Variants in NBPF26 observed in about 807,000 individuals in gnomAD.
The protein encoded by NBPF26 is NBPF member 26.
A neutral mutation model predicts 119.6 loss-of-function variants in NBPF26; 79 were observed. That is an observed-to-expected ratio of 0.66 (90% CI 0.55 to 0.80). The LOEUF is 0.80. Among genes scored for constraint, NBPF26 ranks in the 30% least tolerant of loss-of-function variants. The pLI is 0.00. For missense variants in NBPF26, 800 were observed against 1,198.2 expected, an observed-to-expected ratio of 0.67 and a Z score of 4.91; for synonymous variants, 299 against 457.7, an observed-to-expected ratio of 0.65 and a Z score of 4.43.
chr1:120,810,254 T>G lies in NBPF26; in HGVS notation c.1353-93T>G, dbSNP rs1651826502. The stretch of plus-strand genomic sequence containing the variant: ...CGTTTTGCTTTCTGGAACCACTCTC[T>G]TAATGCCGCCTGTCAAAACCAGCTA... On this transcript the variant is annotated intron_variant, in intron 8 of 29. Coordinates refer to ENST00000620612, the Ensembl canonical transcript of NBPF26. 56 of 1,421,488 alleles carry G rather than the reference T, an allele frequency of 3.9e-5. No homozygotes were observed. In the South Asian group the frequency reaches 6.2e-4, roughly 16 times the overall value. The allele number at this position is 1,421,488 out of a possible 1,614,324, so 88.1% of individuals were successfully genotyped here.
chr1:120,727,119 C>T (rs1291611904), intron 1 of NBPF26, among the ~76,000 whole-genome samples: 2 of 107,122 alleles, frequency 1.9e-5, no homozygotes, highest in Non-Finnish European at 3.5e-5. Flanking sequence ...TCCTCCCTAC[C>T]TCTCCCATTA....
At chr1:120,840,441 C>G in exon 30 of NBPF26, 3 of 1,474,860 alleles carry the variant, frequency 2.0e-6, no homozygotes, top group Non-Finnish European at 2.8e-6. Context: ...GTACTTTGAA[C>G]TACCTGACTC....
chr1:120,817,066 G>C (rs1321569196), intron 14 of NBPF26, among the ~76,000 whole-genome samples: 5 of 117,706 alleles, frequency 4.2e-5, no homozygotes, highest in Admixed American at 8.1e-5. Flanking sequence ...GAGTGCAGGA[G>C]GTGCACAGGC....
intron 2 of NBPF26, among the ~76,000 whole-genome samples, chr1:120,783,731 G>A (rs1233856518): frequency 4.3e-5 from 5 of 117,554 alleles, no homozygotes; most frequent in Admixed American, 1.6e-4. Flanking sequence ...GTGCAGTCCA[G>A]ACTTAAACGT....
At position 120,805,666 on chromosome 1, in the gene NBPF26, C is replaced by T; in HGVS notation, c.862C>T (p.Pro288Ser). 3.4e-6 allele frequency: 5 copies of T among 1,457,926 alleles called. 1 individual carries two copies. The highest frequency in any genetic ancestry group is 4.6e-6 in the Non-Finnish European group (5 of 1,078,950). 90.3% of individuals were successfully genotyped at this position (1,457,926 alleles called of 1,614,324 possible). The stretch of plus-strand genomic sequence containing the variant: ...TCTAGAAATCAACGAGACATTGCGC[C>T]CCCAGCTGCCAGAGAACAAACAGCA... The change falls in exon 5 of 30, where the codon CCC becomes TCC. Residue 288 changes from proline to serine, a missense_variant. Transcript: ENST00000620612.
intron 1 of NBPF26, among the ~76,000 whole-genome samples, chr1:120,761,993 TATA>T (rs1651140302): frequency 9.8e-6 from 1 of 102,470 alleles, no homozygotes; most frequent in Non-Finnish European, 1.8e-5. Context: ...GGTAAATGGG[TATA>T]ATAATATCCA....
chr1:120,730,733 G>A (rs1383911523), intron 1 of NBPF26, among the ~76,000 whole-genome samples: 2 of 55,126 alleles, frequency 3.6e-5, no homozygotes, highest in Non-Finnish European at 6.1e-5. Context: ...ATTAATTTGT[G>A]TATGTAAATA....
intron 2 of NBPF26, among the ~76,000 whole-genome samples, chr1:120,783,866 A>G (rs1651393426): frequency 1.9e-5 from 2 of 106,662 alleles, no homozygotes; most frequent in Admixed American, 1.8e-4. Context: ...CGGTACATGG[A>G]GTGGTTAGCA....
intron 2 of NBPF26, among the ~76,000 whole-genome samples, chr1:120,765,127 C>T (rs1238397619): frequency 8.5e-6 from 1 of 117,502 alleles, no homozygotes; most frequent in Non-Finnish European, 1.7e-5. Flanking sequence ...TTTTATGTAG[C>T]TTATTATGAG....
At chr1:120,814,499 G>A (rs1651959081) in intron 11 of NBPF26, among the ~76,000 whole-genome samples, 1 of 112,846 alleles carries the variant, frequency 8.9e-6, no homozygotes, top group Non-Finnish European at 1.8e-5. Context: ...TGCACTATGT[G>A]TATTTTCACA....
At position 120,785,239 on chromosome 1, in the gene NBPF26, T is replaced by A. The variant is rs1651412728; in HGVS notation, c.415+6T>A. 31 of 1,444,468 alleles carry A rather than the reference T, an allele frequency of 2.1e-5. 4 individuals are homozygous for A. Among genetic ancestry groups the A allele is most frequent in the Non-Finnish European group, 2.8e-5 (30 of 1,080,746 alleles). 89.5% of individuals were successfully genotyped at this position (1,444,468 alleles called of 1,614,324 possible). ...CTGTCAAGTCGGGTTTACAGGTAAC[T>A]AATGAGACCAAAGCCAGTGCTTCCC... On this transcript the variant is annotated splice_donor_region_variant and intron_variant, in intron 3 of 29. Coordinates refer to ENST00000620612, the Ensembl canonical transcript of NBPF26.
chr1:120,813,196 C>T (rs1425533817), intron 10 of NBPF26, among the ~76,000 whole-genome samples: 8 of 121,960 alleles, frequency 6.6e-5, no homozygotes, highest in Non-Finnish European at 1.3e-4. Flanking sequence ...TAATACCTAC[C>T]TCTGTAAATT....
chr1:120,823,968 T>G lies in NBPF26; in HGVS notation c.2640-6T>G. ...GCTTATTCTTTACTTTTTCCCACTT[T>G]TCCAGGCTCAGCAGAGAGCTGCTGG... On this transcript the variant is annotated splice_polypyrimidine_tract_variant and splice_region_variant and intron_variant, in intron 17 of 29. Transcript: ENST00000620612. 1 of 768,586 alleles carries G rather than the reference T, an allele frequency of 1.3e-6. No homozygotes were observed. The highest frequency in any genetic ancestry group is 2.7e-5 in the East Asian group (1 of 37,350). 47.6% of individuals were successfully genotyped at this position (768,586 alleles called of 1,614,324 possible). A position where few individuals can be genotyped will look rare whatever the true frequency, so the allele number is the denominator to read the frequency against.
chr1:120,819,170 G>A (rs1246186969), intron 15 of NBPF26, among the ~76,000 whole-genome samples: 2 of 124,266 alleles, frequency 1.6e-5, no homozygotes, highest in African/African-American at 7.7e-5. Flanking sequence ...TCCTGTTTAG[G>A]GTGCATATAT....
chr1:120,842,202 A>C (rs1430395600), downstream of NBPF26, among the ~76,000 whole-genome samples: 1 of 110,656 alleles, frequency 9.0e-6, no homozygotes, highest in Non-Finnish European at 1.7e-5. Flanking sequence ...ATTAATAAAA[A>C]CATTTCATTT....
exon 4 of NBPF26, chr1:120,793,175 T>A (rs1449511716): frequency 2.1e-6 from 3 of 1,436,080 alleles, no homozygotes; most frequent in Non-Finnish European, 2.8e-6. Flanking sequence ...GGAGTGCCAA[T>A]GGACCGATGC....
rs1302207240 is a variant in NBPF26, at chr1:120,806,299, G to A, written c.961+534G>A. 2.5e-5 allele frequency among the ~76,000 whole-genome samples: 3 copies of A among 118,224 alleles called. 1 individual carries two copies. Among genetic ancestry groups the A allele is most frequent in the African/African-American group, 8.4e-5 (2 of 23,900 alleles). The allele number at this position is 118,224 out of a possible 152,430, so 77.6% of individuals were successfully genotyped here. A position where few individuals can be genotyped will look rare whatever the true frequency, so the allele number is the denominator to read the frequency against. On this transcript the variant is annotated intron_variant, in intron 5 of 29. Coordinates refer to ENST00000620612, the Ensembl canonical transcript of NBPF26. ...TGCTATCTATAAGTGACAGCATCAAGAGCAGGGAGTAGGGGCCGTGCAACG... is the reference window on the plus strand; with the variant it reads ...TGCTATCTATAAGTGACAGCATCAAAAGCAGGGAGTAGGGGCCGTGCAACG...
In NBPF26 at chr1:120,733,149, G is replaced by A. The variant is rs1195565734; in HGVS notation, c.73+8899G>A. The stretch of plus-strand genomic sequence containing the variant: ...TATATATATGTTTAGTTTATGAACA[G>A]ATCTACATATATATATATATGCACA... On this transcript the variant is annotated intron_variant, in intron 1 of 29. Coordinates refer to ENST00000620612, the Ensembl canonical transcript of NBPF26. 1.0e-4 allele frequency among the ~76,000 whole-genome samples: 11 copies of A among 104,822 alleles called. 5 individuals are homozygous for A. Among genetic ancestry groups the A allele is most frequent in the African/African-American group, 6.5e-4 (11 of 16,838 alleles). 68.8% of individuals were successfully genotyped at this position (104,822 alleles called of 152,430 possible). A position where few individuals can be genotyped will look rare whatever the true frequency, so the allele number is the denominator to read the frequency against.
chr1:120,763,693 G>A lies in NBPF26; in HGVS notation c.139G>A (p.Gly47Ser), dbSNP rs1651157784. ...AGGAATGTGTGTTACCTACCACAGTGGCACAGGATACTGCAAGTAAGTTTT... is the reference window on the plus strand; with the variant it reads ...AGGAATGTGTGTTACCTACCACAGTAGCACAGGATACTGCAAGTAAGTTTT... Residue 47 changes from glycine (G) to serine (S), a missense_variant, in exon 2 of 30, where the codon GGC becomes AGC. Physicochemically the swap from Gly to Ser is moderately conservative, Grantham distance 56. Coordinates refer to ENST00000620612, the Ensembl canonical transcript of NBPF26. 20 of 1,387,814 alleles carry A rather than the reference G, an allele frequency of 1.4e-5. 6 individuals carry two copies. The highest frequency in any genetic ancestry group is 1.9e-5 in the Non-Finnish European group (20 of 1,031,728). The allele number at this position is 1,387,814 out of a possible 1,614,324, so 86.0% of individuals were successfully genotyped here. A position where few individuals can be genotyped will look rare whatever the true frequency, so the allele number is the denominator to read the frequency against.
Sources: allele counts gnomAD v4.1 joint callset (sites outside exome capture counted in the v4.1 genomes callset), GRCh38; gene constraint gnomAD v4.1.1; transcripts MANE v1.5; gene names NCBI Gene and HGNC (gene_info 2026-07-23, HGNC 2026-07-21).